Variants in JADE2 observed in about 807,000 individuals in gnomAD.
JADE2 encodes the protein jade family PHD finger 2, also known as E3 ubiquitin-protein ligase Jade-2.
Under a neutral mutation model 85.7 loss-of-function variants are expected in JADE2, and 13 were observed. The observed-to-expected ratio is 0.15, with a 90% CI of 0.10 to 0.24. The LOEUF (loss-of-function observed/expected upper bound fraction) is 0.24, where lower values mean the gene tolerates loss of function less well. Ranked by LOEUF, JADE2 falls within the 10% of genes least tolerant of loss-of-function variation. The probability of loss-of-function intolerance (pLI) is 1.00; values close to 1 mark genes in which losing one functional copy is unlikely to be tolerated. For synonymous variants in JADE2, 440 were observed against 456.1 expected, an observed-to-expected ratio of 0.96 and a Z score of 0.45; for missense variants, 846 against 1,115.9, an observed-to-expected ratio of 0.76 and a Z score of 3.45.
chr5:134,548,902 C>T (rs1762447414), intron 3 of JADE2, among the ~76,000 whole-genome samples: 2 of 152,336 alleles, frequency 1.3e-5, no homozygotes, highest in East Asian at 3.9e-4. Flanking sequence ...ATTTTGGCCA[C>T]TGGGTATATC....
intron 6 of JADE2, among the ~76,000 whole-genome samples, chr5:134,561,727 A>G (rs111705554): frequency 8.5e-5 from 13 of 152,256 alleles, no homozygotes; most frequent in African/African-American, 3.1e-4. Flanking sequence ...AAACAAACAC[A>G]TCCCTTATAC....
At chr5:134,555,100 A>G (rs1362569589) in intron 4 of JADE2, among the ~76,000 whole-genome samples, 1 of 151,590 alleles carries the variant, frequency 6.6e-6, no homozygotes, top group Non-Finnish European at 1.5e-5. Flanking sequence ...TCATCCCAGC[A>G]TGCTGGTTCT....
At chr5:134,559,297 G>A (rs1763178731) in intron 4 of JADE2, among the ~76,000 whole-genome samples, 1 of 152,196 alleles carries the variant, frequency 6.6e-6, no homozygotes, top group African/African-American at 2.4e-5. Context: ...TAAGAAGGGG[G>A]CTTGGGCTTC....
chr5:134,560,915 C>T lies in JADE2; in HGVS notation c.642C>T (p.Asn214=), dbSNP rs146837030. The T allele has an allele frequency of 4.3e-5, 69 of 1,614,132 alleles. No individual in the cohort carries two copies. The African/African-American group carries it at 7.2e-4, about 17-fold the overall frequency. Residue 214 remains asparagine (N), a synonymous_variant, in exon 6 of 12, where the codon AAC becomes AAT. Transcript: ENST00000681547. Reference sequence around the variant, plus strand: ...GCTCTCCTGAGGGCGAGGATGGCAACGAGATGGTCTTCTGTGACAAGTGCA... The same window carrying T: ...GCTCTCCTGAGGGCGAGGATGGCAATGAGATGGTCTTCTGTGACAAGTGCA... The part of the protein sequence containing the change: ...VCRSPEGEDG[N]EMVFCDKCNV...
At chr5:134,533,995 C>A (rs1358227775) in intron 1 of JADE2, among the ~76,000 whole-genome samples, 1 of 152,086 alleles carries the variant, frequency 6.6e-6, no homozygotes, top group Non-Finnish European at 1.5e-5. Context: ...ATCCTCCAGC[C>A]CCGGCCTCCC....
In JADE2 at chr5:134,562,170, C is replaced by A; in HGVS notation, c.685-30C>A. On this transcript the variant is annotated intron_variant, in intron 6 of 11. Transcript: ENST00000681547. The surrounding 1 kb of genome is among the most constrained non-coding windows in gnomAD (Gnocchi z 4.6). ...ACCAGACACAGATTGGCCAGTTCCGCTGACTCATGACCACCCTGCTCTCTC... is the reference window on the plus strand; with the variant it reads ...ACCAGACACAGATTGGCCAGTTCCGATGACTCATGACCACCCTGCTCTCTC... 2 of 1,573,670 alleles carry A rather than the reference C, an allele frequency of 1.3e-6. No individual in the cohort carries two copies. The highest frequency in any genetic ancestry group is 1.7e-6 in the Non-Finnish European group (2 of 1,156,902).
chr5:134,553,126 C>T (rs1458287944), intron 4 of JADE2, among the ~76,000 whole-genome samples: 1 of 151,240 alleles, frequency 6.6e-6, no homozygotes, highest in African/African-American at 2.4e-5. Flanking sequence ...CATGCCACCA[C>T]ACATGGCTAA....
At chr5:134,561,532 G>T (rs1763321671) in intron 6 of JADE2, among the ~76,000 whole-genome samples, 1 of 146,732 alleles carries the variant, frequency 6.8e-6, no homozygotes, top group Non-Finnish European at 1.5e-5. Context: ...TTGGTTTGGG[G>T]CCCAAGGCTC....
At chr5:134,544,200 G>A (rs182653230) in intron 3 of JADE2, among the ~76,000 whole-genome samples, 1 of 152,346 alleles carries the variant, frequency 6.6e-6, no homozygotes, top group Non-Finnish European at 1.5e-5. Context: ...CTCTGGACCG[G>A]GAGCTGCTGA....
At chr5:134,539,967 C>T (rs566427597) in intron 3 of JADE2, among the ~76,000 whole-genome samples, 1 of 152,290 alleles carries the variant, frequency 6.6e-6, no homozygotes, top group Admixed American at 6.5e-5. Context: ...ACTTCCATGG[C>T]CCCATGGTGG....
At chr5:134,533,809 C>T (rs1203912250) in intron 1 of JADE2, among the ~76,000 whole-genome samples, 2 of 148,694 alleles carry the variant, frequency 1.3e-5, no homozygotes, top group Non-Finnish European at 3.0e-5. Flanking sequence ...TGCAGTGGCA[C>T]GATCATGGCT....
chr5:134,545,427 T>A (rs1003404502), intron 3 of JADE2, among the ~76,000 whole-genome samples: 1 of 151,688 alleles, frequency 6.6e-6, no homozygotes, highest in Non-Finnish European at 1.5e-5. Flanking sequence ...TTTTTTTAAG[T>A]GTCTTACGAA....
chr5:134,568,950 A>C (rs987485448), intron 9 of JADE2, among the ~76,000 whole-genome samples: 1 of 152,258 alleles, frequency 6.6e-6, no homozygotes, highest in East Asian at 1.9e-4. Flanking sequence ...CAGCCTGGGC[A>C]GGAATCATCG....
intron 3 of JADE2, among the ~76,000 whole-genome samples, chr5:134,540,160 CCTTGGGGAGCCCTGCTGGCT>C (rs1305543209): frequency 6.6e-6 from 1 of 151,962 alleles, no homozygotes; most frequent in Admixed American, 6.6e-5. Context: ...GCAGGTGGGG[CCTTGGGGAGCCCTGCTGGCT>C]CTTGGTTGTT....
chr5:134,535,065 G>A (rs1761498738), intron 1 of JADE2, among the ~76,000 whole-genome samples: 1 of 152,212 alleles, frequency 6.6e-6, no homozygotes, highest in Non-Finnish European at 1.5e-5. Context: ...GGCCTCACTT[G>A]TAAATGGAGC....
In JADE2 at chr5:134,562,327, C is replaced by T; in HGVS notation, c.812C>T (p.Thr271Ile). 2 of 1,613,988 alleles carry T rather than the reference C, an allele frequency of 1.2e-6. No homozygotes were observed. Among genetic ancestry groups the T allele is most frequent in the Non-Finnish European group, 8.5e-7 (1 of 1,179,944 alleles). The stretch of plus-strand genomic sequence containing the variant: ...GCCTTGAAGCCCACTAGAAGTGGGA[C>T]CAAGTGGGTGCATGTCAGCTGTGCC... ...GGALKPTRSG[T>I]KWVHVSCALW... Residue 271 changes from threonine to isoleucine, a missense_variant, in exon 7 of 12, where the codon ACC (threonine) becomes ATC (isoleucine). This residue lies in a region of JADE2 where 129 missense variants were observed against 255.4 expected (regional missense o/e 0.51). Transcript: ENST00000681547. The surrounding 1 kb of genome is among the most constrained non-coding windows in gnomAD (Gnocchi z 4.6).
intron 2 of JADE2, among the ~76,000 whole-genome samples, chr5:134,536,231 A>G (rs1761578519): frequency 6.6e-6 from 1 of 152,192 alleles, no homozygotes; most frequent in Admixed American, 6.5e-5. Flanking sequence ...GTGAAGGTCC[A>G]TATAGAAAGT....
At chr5:134,563,700 G>A (rs2149984354) in intron 7 of JADE2, among the ~76,000 whole-genome samples, 1 of 152,352 alleles carries the variant, frequency 6.6e-6, no homozygotes, top group African/African-American at 2.4e-5. Context: ...GATAACAGTT[G>A]TTTGTGTCAG....
At chr5:134,564,723 G>A (rs1471606148) in intron 8 of JADE2, 113 bp downstream of exon 8, 2 of 643,550 alleles carry the variant, frequency 3.1e-6, no homozygotes, top group Non-Finnish European at 5.3e-6. Context: ...AGACTGATGG[G>A]CCCCAGAGGG....
Sources: gnomAD v4.1 joint callset for allele counts (sites outside exome capture counted in the v4.1 genomes callset) on GRCh38, gnomAD v4.1.1 for gene constraint, gnomAD v4.1.1 regional missense constraint, Gnocchi (gnomAD v3.1) non-coding constraint, MANE v1.5 for transcripts, NCBI Gene and HGNC (gene_info 2026-07-23, HGNC 2026-07-21) for gene names.